Variants in OSBPL6 observed in about 807,000 individuals in gnomAD.
OSBPL6 encodes oxysterol binding protein like 6, also known as oxysterol-binding protein-related protein 6.
OSBPL6 carries 49 observed loss-of-function variants against 125.8 expected under a neutral mutation model. The ratio of observed to expected loss-of-function variants is 0.39; its 90% CI spans 0.31 to 0.49. The LOEUF (loss-of-function observed/expected upper bound fraction) is 0.49, where lower values mean the gene tolerates loss of function less well. Ranked by LOEUF, OSBPL6 falls within the 20% of genes least tolerant of loss-of-function variation. The probability of loss-of-function intolerance (pLI) is 0.88; values close to 1 mark genes in which losing one functional copy is unlikely to be tolerated. For synonymous variants in OSBPL6, 394 were observed against 391.8 expected (o/e 1.01, Z -0.07); for missense variants, 986 against 1,135.4 (o/e 0.87, Z 1.89).
In OSBPL6 at chr2:178,399,887, A is replaced by G. The variant is rs1391982937; in HGVS notation, c.*4328A>G. On this transcript the variant is annotated 3_prime_UTR_variant, in exon 25 of 25. Transcript: ENST00000190611. ...TTCATGGATTACATATTACCATATG[A>G]CCCCATAAATACATTTTATTAGTTA... 6.6e-6 allele frequency: 1 copy of G among 152,210 alleles called. No individual in the cohort carries two copies. Among genetic ancestry groups the G allele is most frequent in the Non-Finnish European group, 1.5e-5 (1 of 68,028 alleles). The allele number at this position is 152,210 out of a possible 1,614,324, so 9.4% of individuals were successfully genotyped here.
Position 178,312,222 on chromosome 2 carries a change from C to T in OSBPL6, c.102+5936C>T, listed in dbSNP as rs538286426. ...TTTTGCCCAGGCTGGAGTGTAATGG[C>T]ACAATCTCGGCTCACTGCAACCTCC... On this transcript the variant is annotated intron_variant, in intron 3 of 24. Coordinates refer to ENST00000190611, the MANE Select transcript of OSBPL6 (RefSeq NM_032523.4). 2.3e-3 allele frequency among the ~76,000 whole-genome samples: 329 copies of T among 146,152 alleles called. 2 individuals are homozygous for T. Among genetic ancestry groups the T allele is most frequent in the African/African-American group, 8.1e-3 (318 of 39,318 alleles).
intron 1 of OSBPL6, among the ~76,000 whole-genome samples, chr2:178,205,679 C>A (rs747071029): frequency 2.0e-5 from 3 of 152,104 alleles, no homozygotes; most frequent in Non-Finnish European, 4.4e-5. Flanking sequence ...GGAGATATTT[C>A]CCGTATATAT....
At position 178,214,789 on chromosome 2, in the gene OSBPL6, A is replaced by T. The variant is rs558804669; in HGVS notation, c.-351+20115A>T. ...AGTGAGACCCTGTCTCTTAAAAAAA[A>T]TTTTTTTTTTAATCAGCCAGGTATG... On this transcript the variant is annotated intron_variant, in intron 1 of 24. Transcript: ENST00000190611. Among the ~76,000 whole-genome samples the T allele has an allele frequency of 6.1e-4, 92 of 150,820 alleles. 1 individual carries two copies. The highest frequency in any genetic ancestry group is 3.4e-3 in the Middle Eastern group (1 of 294).
intron 1 of OSBPL6, among the ~76,000 whole-genome samples, chr2:178,212,968 C>T (rs781490514): frequency 5.3e-5 from 8 of 152,140 alleles, no homozygotes; most frequent in East Asian, 1.9e-4. Flanking sequence ...CCACCACACT[C>T]GGCTAATTTT....
At chr2:178,385,343 G>A in intron 18 of OSBPL6, 115 bp from the exon 19 acceptor site, 1 of 710,058 alleles carries the variant, frequency 1.4e-6, no homozygotes, top group Non-Finnish European at 2.3e-6. Context: ...TGTTTTTAAA[G>A]CATGAAGTCT....
chr2:178,347,634 T>G (rs1346017287), intron 11 of OSBPL6, among the ~76,000 whole-genome samples: 1 of 152,234 alleles, frequency 6.6e-6, no homozygotes, highest in African/African-American at 2.4e-5. Context: ...TATTATTAAG[T>G]TACCTGGACA....
intron 14 of OSBPL6, 139 bp from the exon 15 acceptor site, chr2:178,373,751 C>A: frequency 1.0e-6 from 1 of 991,578 alleles, no homozygotes; most frequent in Non-Finnish European, 1.5e-6. Flanking sequence ...GTGATCATTG[C>A]TGAATTGCAA....
chr2:178,250,521 A>C (rs1164276617), intron 1 of OSBPL6, among the ~76,000 whole-genome samples: 1 of 152,156 alleles, frequency 6.6e-6, no homozygotes, highest in African/African-American at 2.4e-5. Flanking sequence ...CGTAGAAGGA[A>C]ATAAAAATCA....
At chr2:178,293,877 C>T (rs764223497) in intron 2 of OSBPL6, among the ~76,000 whole-genome samples, 8 of 151,938 alleles carry the variant, frequency 5.3e-5, no homozygotes, top group South Asian at 2.1e-4. Context: ...ACAAATAGTG[C>T]TCGAGCAATT....
In OSBPL6 at chr2:178,372,118, A is replaced by G; in HGVS notation, c.1288-8A>G. On this transcript the variant is annotated splice_polypyrimidine_tract_variant and splice_region_variant and intron_variant, in intron 13 of 24. Coordinates refer to ENST00000190611, the MANE Select transcript of OSBPL6 (RefSeq NM_032523.4). ...TTAAATTACATATGTGGTTTTTGTT[A>G]TTTTAAGGCACTCAACCAGAATGCT... 6.2e-7 allele frequency: 1 copy of G among 1,604,588 alleles called. No individual in the cohort carries two copies. The highest frequency in any genetic ancestry group is 8.5e-7 in the Non-Finnish European group (1 of 1,173,630).
upstream of OSBPL6, among the ~76,000 whole-genome samples, chr2:178,194,275 C>CCAGGGCG (rs1450170609): frequency 6.6e-6 from 1 of 152,180 alleles, no homozygotes; most frequent in Non-Finnish European, 1.5e-5. Flanking sequence ...CCCCGCGTGA[C>CCAGGGCG]CAGGGCGCAG....
chr2:178,352,971 A>G (rs531023255), intron 12 of OSBPL6, among the ~76,000 whole-genome samples: 2 of 152,344 alleles, frequency 1.3e-5, no homozygotes, highest in South Asian at 4.1e-4. Flanking sequence ...GTGGACCTCC[A>G]GCAAACTCCA....
At chr2:178,322,254 G>C (rs1045923252) in intron 3 of OSBPL6, among the ~76,000 whole-genome samples, 1 of 152,132 alleles carries the variant, frequency 6.6e-6, no homozygotes, top group African/African-American at 2.4e-5. Context: ...GGAGGTGGGG[G>C]AAACAGTTGG....
intron 1 of OSBPL6, among the ~76,000 whole-genome samples, chr2:178,207,010 C>A (rs1212937019): frequency 6.6e-6 from 1 of 152,054 alleles, no homozygotes; most frequent in Non-Finnish European, 1.5e-5. Flanking sequence ...CTCAAGGGAT[C>A]CTCCCACCTC....
At chr2:178,325,891 A>G (rs1282872576) in intron 4 of OSBPL6, among the ~76,000 whole-genome samples, 1 of 152,192 alleles carries the variant, frequency 6.6e-6, no homozygotes, top group Non-Finnish European at 1.5e-5. Context: ...GGTAGGGTAC[A>G]AACAGCATCT....
intron 1 of OSBPL6, among the ~76,000 whole-genome samples, chr2:178,256,470 T>C (rs898794073): frequency 6.6e-6 from 1 of 152,174 alleles, no homozygotes; most frequent in South Asian, 2.1e-4. Flanking sequence ...ATTTCATAAA[T>C]AGCAACTCAG....
chr2:178,383,289 C>T lies in OSBPL6; in HGVS notation c.1875+12C>T. On this transcript the variant is annotated intron_variant, in intron 17 of 24. Coordinates refer to ENST00000190611, the MANE Select transcript of OSBPL6 (RefSeq NM_032523.4). The stretch of plus-strand genomic sequence containing the variant: ...CATATGAGCGCATGGTAATAAATAA[C>T]TAACAGAGCAGCGCCCCTCAGGGAT... The T allele has an allele frequency of 1.2e-6, 2 of 1,612,234 alleles. No individual in the cohort carries two copies. Among genetic ancestry groups the T allele is most frequent in the Non-Finnish European group, 1.7e-6 (2 of 1,179,244 alleles).
intron 1 of OSBPL6, among the ~76,000 whole-genome samples, chr2:178,266,718 C>T (rs893938867): frequency 6.6e-6 from 1 of 152,216 alleles, no homozygotes; most frequent in Non-Finnish European, 1.5e-5. Flanking sequence ...CTATGTGCAA[C>T]AAGACCACAG....
intron 23 of OSBPL6, among the ~76,000 whole-genome samples, chr2:178,392,859 A>C (rs1420553293): frequency 7.5e-6 from 1 of 132,686 alleles, no homozygotes. Context: ...AGACCCTGGC[A>C]AAAAAAAAAA....
Sources: gnomAD v4.1 joint callset for allele counts (sites outside exome capture counted in the v4.1 genomes callset) on GRCh38, gnomAD v4.1.1 for gene constraint, MANE v1.5 for transcripts, NCBI Gene and HGNC (gene_info 2026-07-23, HGNC 2026-07-21) for gene names.